The following GULP1 variants were observed in gnomAD, a reference collection of about 807,000 sequenced individuals.
The protein encoded by GULP1 is GULP PTB domain containing engulfment adaptor 1.
Under a neutral mutation model 40.9 loss-of-function variants are expected in GULP1, and 19 were observed. The observed-to-expected ratio is 0.46, with a 90% CI of 0.32 to 0.68. The LOEUF (loss-of-function observed/expected upper bound fraction) is 0.68. Ranked by LOEUF, GULP1 falls within the 30% of genes least tolerant of loss-of-function variation. The pLI, the probability that GULP1 is intolerant of heterozygous loss-of-function variation, is 0.03. For synonymous variants in GULP1, 119 were observed against 117.6 expected, an observed-to-expected ratio of 1.01 and a Z score of -0.08; for missense variants, 312 against 362.2, an observed-to-expected ratio of 0.86 and a Z score of 1.12.
chr2:188,466,290 TTTC>T (rs1025251695), intron 2 of GULP1, among the ~76,000 whole-genome samples: 13 of 143,496 alleles, frequency 9.1e-5, no homozygotes, highest in African/African-American at 3.8e-4. Context: ...CTGGTTTTTT[TTTC>T]CCCCCCCGGA....
rs372315855 is a variant in GULP1, at chr2:188,483,693, A to G, written c.90+201A>G. 2.6e-5 allele frequency among the ~76,000 whole-genome samples: 4 copies of G among 152,138 alleles called. No homozygotes were observed. The East Asian group carries it at 7.7e-4, about 29-fold the overall frequency. ...TCTTTTTAAAAGTGTATTATTTAAA[A>G]TTACTGTTTTAGTCAAACGTGTTTT... On this transcript the variant is annotated intron_variant, in intron 4 of 11. Transcript: ENST00000409830.
intron 2 of GULP1, among the ~76,000 whole-genome samples, chr2:188,422,597 TTTA>T (rs1255349966): frequency 6.6e-6 from 1 of 152,048 alleles, no homozygotes; most frequent in Non-Finnish European, 1.5e-5. Flanking sequence ...ATATGTTTTA[TTTA>T]TTATGTGCAC....
chr2:188,540,468 A>G (rs994319902), intron 6 of GULP1, among the ~76,000 whole-genome samples: 1 of 151,788 alleles, frequency 6.6e-6, no homozygotes, highest in Non-Finnish European at 1.5e-5. Context: ...GTGTAAATAT[A>G]TGCTGCAACT....
chr2:188,577,881 A>C (rs1700471648), intron 9 of GULP1, among the ~76,000 whole-genome samples: 1 of 152,090 alleles, frequency 6.6e-6, no homozygotes, highest in South Asian at 2.1e-4. Flanking sequence ...GTAATCTAGA[A>C]AGATCTGCTA....
At chr2:188,470,285 C>A (rs558882037) in intron 2 of GULP1, among the ~76,000 whole-genome samples, 76 of 152,178 alleles carry the variant, frequency 5.0e-4, no homozygotes, top group African/African-American at 1.6e-3. Context: ...AATCGTGATA[C>A]ATTTTATGTC....
intron 4 of GULP1, among the ~76,000 whole-genome samples, chr2:188,513,429 A>T (rs2064815372): frequency 6.6e-6 from 1 of 152,190 alleles, no homozygotes; most frequent in African/African-American, 2.4e-5. Context: ...CTGCATATTT[A>T]CACAATAATG....
chr2:188,308,564 ACTT>A (rs1208201426), intron 1 of GULP1, among the ~76,000 whole-genome samples: 6 of 152,150 alleles, frequency 3.9e-5, no homozygotes, highest in African/African-American at 1.4e-4. Flanking sequence ...TATGTACTGA[ACTT>A]CTCCAAGTTC....
intron 1 of GULP1, among the ~76,000 whole-genome samples, chr2:188,340,686 T>C (rs2042845049): frequency 6.6e-6 from 1 of 152,146 alleles, no homozygotes; most frequent in African/African-American, 2.4e-5. Flanking sequence ...TATGACAGCC[T>C]TTAGCATCAG....
intron 7 of GULP1, among the ~76,000 whole-genome samples, chr2:188,557,648 C>T (rs1043659392): frequency 2.0e-5 from 3 of 152,214 alleles, no homozygotes; most frequent in Non-Finnish European, 4.4e-5. Flanking sequence ...AGGGTGCAAA[C>T]TCTCAGTGGA....
intron 7 of GULP1, among the ~76,000 whole-genome samples, chr2:188,568,522 A>G (rs1161677568): frequency 1.3e-5 from 2 of 152,220 alleles, no homozygotes; most frequent in East Asian, 1.9e-4. Flanking sequence ...TTACAAGCCC[A>G]AATTCAGATG....
In GULP1 at chr2:188,567,671, A is replaced by T. The variant is rs369521091; in HGVS notation, c.400-1568A>T. On this transcript the variant is annotated intron_variant, in intron 7 of 11. Coordinates refer to ENST00000409830, the MANE Select transcript of GULP1 (RefSeq NM_016315.4). Reference sequence around the variant, plus strand: ...GAGGCGAGGGGAGGGAACTTAGAGGATGGGTCAATAGGTGCAGCAAACCAC... The same window carrying T: ...GAGGCGAGGGGAGGGAACTTAGAGGTTGGGTCAATAGGTGCAGCAAACCAC... 2.0e-4 allele frequency among the ~76,000 whole-genome samples: 31 copies of T among 152,238 alleles called. No homozygotes were observed. The South Asian group carries it at 6.2e-3, about 31-fold the overall frequency.
intron 7 of GULP1, among the ~76,000 whole-genome samples, chr2:188,548,556 G>A (rs1374073507): frequency 6.6e-6 from 1 of 152,008 alleles, no homozygotes; most frequent in African/African-American, 2.4e-5. Flanking sequence ...GTTGTTTGTA[G>A]ATATAGACAA....
intron 2 of GULP1, among the ~76,000 whole-genome samples, chr2:188,454,294 C>G (rs80186900): frequency 0.02 from 3,022 of 152,236 alleles, 98 homozygotes; most frequent in African/African-American, 0.069. Context: ...GTTTCTCCCC[C>G]AGTATGGCTT....
At chr2:188,563,148 G>C (rs1390080973) in intron 7 of GULP1, among the ~76,000 whole-genome samples, 1 of 151,872 alleles carries the variant, frequency 6.6e-6, no homozygotes, top group Non-Finnish European at 1.5e-5. Context: ...TAAAGTGGAA[G>C]GTTAAGAAAC....
intron 7 of GULP1, among the ~76,000 whole-genome samples, chr2:188,566,810 AAAAAAAAAAAG>A (rs1250636903): frequency 6.6e-6 from 1 of 150,538 alleles, no homozygotes; most frequent in African/African-American, 2.4e-5. Context: ...AAAAAAAAAA[AAAAAAAAAAAG>A]GGGAAGGATA....
At chr2:188,402,836 A>G (rs1036848698) in intron 2 of GULP1, among the ~76,000 whole-genome samples, 1 of 152,216 alleles carries the variant, frequency 6.6e-6, no homozygotes, top group South Asian at 2.1e-4. Flanking sequence ...TACATATTAC[A>G]TTGTATATGT....
chr2:188,311,813 T>C (rs946782493), intron 1 of GULP1, among the ~76,000 whole-genome samples: 2 of 148,058 alleles, frequency 1.4e-5, no homozygotes, highest in Non-Finnish European at 3.0e-5. Flanking sequence ...CATATACTTA[T>C]ACGTATAAGT....
intron 1 of GULP1, among the ~76,000 whole-genome samples, chr2:188,301,379 T>A (rs28572636): frequency 0.15 from 23,127 of 152,190 alleles, 1,905 homozygotes; most frequent in African/African-American, 0.17. Flanking sequence ...ATTTTGTACC[T>A]GAAGTTAACT....
intron 1 of GULP1, among the ~76,000 whole-genome samples, chr2:188,372,368 G>A (rs567808544): frequency 2.0e-5 from 3 of 152,094 alleles, no homozygotes; most frequent in East Asian, 1.9e-4. Context: ...ATTAAATATC[G>A]TTAGTATTAC....
Sources: gnomAD v4.1 joint callset for allele counts (sites outside exome capture counted in the v4.1 genomes callset) on GRCh38, gnomAD v4.1.1 for gene constraint, MANE v1.5 for transcripts, NCBI Gene and HGNC (gene_info 2026-07-23, HGNC 2026-07-21) for gene names.